C12orf42: variants seen among roughly 807,000 people sequenced by gnomAD.
The protein encoded by C12orf42 is chromosome 12 open reading frame 42, also known as uncharacterized protein C12orf42.
C12orf42 carries 25 observed loss-of-function variants against 21.6 expected under a neutral mutation model. The observed-to-expected ratio is 1.16, with a 90% CI of 0.84 to 1.62. C12orf42 has a LOEUF of 1.62. Ranked by LOEUF, C12orf42 falls within the 40% of genes most tolerant of loss-of-function variation. The pLI, the probability that C12orf42 is intolerant of heterozygous loss-of-function variation, is 0.00. For missense variants in C12orf42, 483 were observed against 459.3 expected (o/e 1.05, Z -0.47); for synonymous variants, 174 against 175.0 (o/e 0.99, Z 0.05).
chr12:103,501,783 T>G, the C12orf42 span, among the ~76,000 whole-genome samples: 1 of 152,210 alleles, frequency 6.6e-6, no homozygotes, highest in South Asian at 2.1e-4. Context: ...TTGGTTTTCA[T>G]GCTGCTCAAA....
At chr12:103,463,036 T>C (rs1952845825) in intron 2 of C12orf42, among the ~76,000 whole-genome samples, 1 of 152,212 alleles carries the variant, frequency 6.6e-6, no homozygotes, top group Non-Finnish European at 1.5e-5. Context: ...AATGAAACTA[T>C]TCCCTCATTT....
chr12:103,091,415 A>G, the C12orf42 span, among the ~76,000 whole-genome samples: 1 of 151,328 alleles, frequency 6.6e-6, no homozygotes, highest in Non-Finnish European at 1.5e-5. Flanking sequence ...AAGAACAAAC[A>G]TTTTCTTGGA....
At chr12:103,109,443 G>A in the C12orf42 span, among the ~76,000 whole-genome samples, 2 of 151,970 alleles carry the variant, frequency 1.3e-5, no homozygotes, top group Admixed American at 1.3e-4. Flanking sequence ...AGTGAGAGGC[G>A]GTGGTGTACG....
chr12:103,555,427 C>G, the C12orf42 span, among the ~76,000 whole-genome samples: 1 of 151,994 alleles, frequency 6.6e-6, no homozygotes, highest in Non-Finnish European at 1.5e-5. Flanking sequence ...TCAATTACCT[C>G]CCACCGGGTC....
intron 4 of C12orf42, among the ~76,000 whole-genome samples, chr12:103,322,143 ACACACACG>A (rs1348273314): frequency 2.0e-5 from 3 of 149,996 alleles, no homozygotes; most frequent in South Asian, 2.1e-4. Flanking sequence ...ACACACACAC[ACACACACG>A]CACACGCACA....
At chr12:103,386,769 T>G (rs577821785) in intron 3 of C12orf42, among the ~76,000 whole-genome samples, 1 of 152,328 alleles carries the variant, frequency 6.6e-6, no homozygotes, top group South Asian at 2.1e-4. Flanking sequence ...AACACTCATA[T>G]GCATGTCGGA....
the C12orf42 span, among the ~76,000 whole-genome samples, chr12:103,562,394 C>A: frequency 6.6e-6 from 1 of 152,198 alleles, no homozygotes; most frequent in Non-Finnish European, 1.5e-5. Flanking sequence ...AGCACATCCC[C>A]TGCTCTCTTT....
intron 4 of C12orf42, among the ~76,000 whole-genome samples, chr12:103,335,793 G>A (rs766529061): frequency 5.9e-5 from 9 of 152,254 alleles, no homozygotes; most frequent in East Asian, 1.9e-4. Context: ...GAAATGTTTC[G>A]CCAGAATAAA....
chr12:103,158,699 T>C, the C12orf42 span, among the ~76,000 whole-genome samples: 1 of 151,926 alleles, frequency 6.6e-6, no homozygotes, highest in Non-Finnish European at 1.5e-5. Flanking sequence ...GCCAACATGG[T>C]GAAACCCCGT....
intron 4 of C12orf42, among the ~76,000 whole-genome samples, chr12:103,364,314 C>G (rs1047746463): frequency 1.3e-5 from 2 of 151,698 alleles, no homozygotes; most frequent in Non-Finnish European, 2.9e-5. Flanking sequence ...GTGACACAAC[C>G]CATAAAAATC....
the C12orf42 span, among the ~76,000 whole-genome samples, chr12:103,519,966 T>C: frequency 7.9e-5 from 12 of 152,126 alleles, no homozygotes; most frequent in Admixed American, 5.2e-4. Flanking sequence ...ACTCTGATGA[T>C]GGAACGAGAT....
chr12:103,515,565 A>G, the C12orf42 span, among the ~76,000 whole-genome samples: 6 of 152,208 alleles, frequency 3.9e-5, no homozygotes, highest in Admixed American at 6.5e-5. Flanking sequence ...AGTTGAATCT[A>G]GGCTTGAAAA....
chr12:103,182,381 G>A, the C12orf42 span, among the ~76,000 whole-genome samples: 1,653 of 152,222 alleles, frequency 0.011, 26 homozygotes, highest in African/African-American at 0.037. Context: ...TCCTAGCTCA[G>A]GGCAAAGCTG....
the C12orf42 span, among the ~76,000 whole-genome samples, chr12:103,551,890 G>C: frequency 3.9e-5 from 6 of 152,084 alleles, no homozygotes; most frequent in Non-Finnish European, 7.4e-5. Context: ...GAAGTAGAAG[G>C]AGGAGGAGGA....
chr12:103,341,227 G>T (rs2042146300), intron 4 of C12orf42, among the ~76,000 whole-genome samples: 2 of 151,742 alleles, frequency 1.3e-5, no homozygotes, highest in Admixed American at 6.6e-5. Flanking sequence ...GGTGGCACAT[G>T]CCTGTAAGTC....
intron 2 of C12orf42, among the ~76,000 whole-genome samples, chr12:103,452,662 G>A (rs1030608244): frequency 6.6e-6 from 1 of 152,096 alleles, no homozygotes; most frequent in African/African-American, 2.4e-5. Flanking sequence ...TTAAGAAAAT[G>A]TGGCACATAT....
In C12orf42 at chr12:103,421,618, A is replaced by AATAT. The variant is rs1461845360; in HGVS notation, c.79-19947_79-19944dup. Among the ~76,000 whole-genome samples the AATAT allele has an allele frequency of 1.6e-4, 24 of 149,522 alleles. 1 individual carries two copies. The East Asian group carries it at 4.1e-3, about 25-fold the overall frequency. ...AAATAAATAAATAAATAAATAAATA[A>AATAT]ATATCAGCATGATCAACTAGTAGCA... is the stretch of plus-strand genomic sequence containing the variant. On this transcript the variant is annotated intron_variant, in intron 2 of 5. Coordinates refer to ENST00000548883, the MANE Select transcript of C12orf42 (RefSeq NM_198521.5).
the C12orf42 span, among the ~76,000 whole-genome samples, chr12:103,073,340 A>T: frequency 6.6e-6 from 1 of 152,178 alleles, no homozygotes; most frequent in African/African-American, 2.4e-5. Context: ...AGAAGTTTAC[A>T]AATAATAGAA....
At chr12:103,219,676 G>T in the C12orf42 span, among the ~76,000 whole-genome samples, 1 of 152,188 alleles carries the variant, frequency 6.6e-6, no homozygotes. Flanking sequence ...ATCATCCCTG[G>T]CCATCAGAGA....
Sources: gnomAD v4.1 joint callset for allele counts (sites outside exome capture counted in the v4.1 genomes callset) on GRCh38, gnomAD v4.1.1 for gene constraint, MANE v1.5 for transcripts, NCBI Gene and HGNC (gene_info 2026-07-23, HGNC 2026-07-21) for gene names.